BMERB1: variants seen among roughly 807,000 people sequenced by gnomAD.
BMERB1 encodes the protein bMERB domain containing 1.
Under a neutral mutation model 23.6 loss-of-function variants are expected in BMERB1, and 12 were observed. The ratio of observed to expected loss-of-function variants is 0.51; its 90% confidence interval spans 0.33 to 0.82. The LOEUF is 0.82. BMERB1 is among the 40% of genes least tolerant of loss of function. BMERB1 has a pLI of 0.03. For missense variants in BMERB1, 247 were observed against 255.4 expected, an observed-to-expected ratio of 0.97 and a Z score of 0.22; for synonymous variants, 122 against 96.6, an observed-to-expected ratio of 1.26 and a Z score of -1.54.
Position 15,567,919 on chromosome 16 carries a change from G to A in BMERB1, c.231-64G>A. On this transcript the variant is annotated intron_variant, in intron 2 of 5. Transcript: ENST00000300006. ...TTAATAGCTTCTTTGTGTTAACCGG[G>A]TGATGCTCAGGGCGTAATGCTCTGC... 3 of 1,441,464 alleles carry A rather than the reference G, an allele frequency of 2.1e-6. No homozygotes were observed. The South Asian group carries it at 3.6e-5, about 17-fold the overall frequency. The allele number at this position is 1,441,464 out of a possible 1,614,324, so 89.3% of individuals were successfully genotyped here.
intron 1 of BMERB1, among the ~76,000 whole-genome samples, chr16:15,493,101 C>T (rs1197383693): frequency 6.6e-6 from 1 of 152,080 alleles, no homozygotes; most frequent in African/African-American, 2.4e-5. Flanking sequence ...GCCTGTAATC[C>T]CAGCACTTTG....
chr16:15,450,734 G>A lies in BMERB1; in HGVS notation c.106+15975G>A, dbSNP rs1404289217. Among the ~76,000 whole-genome samples the A allele has an allele frequency of 2.0e-5, 3 of 152,122 alleles. No homozygotes were observed. The East Asian group carries it at 5.8e-4, about 29-fold the overall frequency. On this transcript the variant is annotated intron_variant, in intron 1 of 5. Transcript: ENST00000300006. ...GATTCATCTGCCTCAGCCTCCCAAA[G>A]TGCTGGGATTACAGGCATGACCCAC...
chr16:15,558,032 A>G (rs1354397899), intron 2 of BMERB1, among the ~76,000 whole-genome samples: 1 of 152,022 alleles, frequency 6.6e-6, no homozygotes, highest in Non-Finnish European at 1.5e-5. Flanking sequence ...CAACAGAGCT[A>G]GACTCCGTCT....
intron 2 of BMERB1, among the ~76,000 whole-genome samples, chr16:15,538,548 C>T (rs935024643): frequency 3.3e-5 from 5 of 152,104 alleles, no homozygotes; most frequent in Non-Finnish European, 5.9e-5. Context: ...CTTCAATGCT[C>T]ATGCTGCTGC....
At chr16:15,443,289 T>A (rs2050957150) in intron 1 of BMERB1, among the ~76,000 whole-genome samples, 2 of 148,494 alleles carry the variant, frequency 1.3e-5, no homozygotes, top group South Asian at 4.3e-4. Flanking sequence ...GCGGTGGCTC[T>A]CATGTGTAAT....
At chr16:15,440,014 G>A (rs2050925810) in intron 1 of BMERB1, among the ~76,000 whole-genome samples, 1 of 152,116 alleles carries the variant, frequency 6.6e-6, no homozygotes, top group Non-Finnish European at 1.5e-5. Flanking sequence ...GGAGGCTGAG[G>A]TGGGCGGATC....
At chr16:15,546,920 G>A (rs540521565) in intron 2 of BMERB1, among the ~76,000 whole-genome samples, 19 of 151,954 alleles carry the variant, frequency 1.3e-4, no homozygotes, top group Admixed American at 4.6e-4. Flanking sequence ...TCGTTATCTC[G>A]TCATGTTTCA....
intron 2 of BMERB1, among the ~76,000 whole-genome samples, chr16:15,556,252 G>C (rs1341689215): frequency 6.6e-6 from 1 of 152,124 alleles, no homozygotes; most frequent in Admixed American, 6.6e-5. Flanking sequence ...TAGTCCAGGA[G>C]AGTCTCTGTG....
chr16:15,554,663 C>CTTTTTTT (rs55937169), intron 2 of BMERB1, among the ~76,000 whole-genome samples: 1 of 144,550 alleles, frequency 6.9e-6, no homozygotes. Context: ...ACCAAGTATT[C>CTTTTTTT]TTTTTTTTTT....
chr16:15,545,875 A>G (rs1432365826), intron 2 of BMERB1, among the ~76,000 whole-genome samples: 1 of 152,160 alleles, frequency 6.6e-6, no homozygotes, highest in Non-Finnish European at 1.5e-5. Flanking sequence ...TTTTTCCATT[A>G]CAGGAGGGAG....
chr16:15,471,683 T>C lies in BMERB1; in HGVS notation c.106+36924T>C, dbSNP rs1215595281. On this transcript the variant is annotated intron_variant, in intron 1 of 5. Transcript: ENST00000300006. ...CTAGGTGAGACTTGACCTCCTGGGC[T>C]CAAGAGATCCTCCTGTCTCAGCCTC... 2.0e-5 allele frequency among the ~76,000 whole-genome samples: 3 copies of C among 152,292 alleles called. No individual in the cohort carries two copies. The East Asian group carries it at 5.8e-4, about 29-fold the overall frequency.
intron 2 of BMERB1, among the ~76,000 whole-genome samples, chr16:15,518,096 C>T (rs2051796440): frequency 6.6e-6 from 1 of 152,050 alleles, no homozygotes; most frequent in South Asian, 2.1e-4. Flanking sequence ...TGTCACTTAG[C>T]CCAGGCTTAA....
At chr16:15,524,859 G>T (rs1353107127) in intron 2 of BMERB1, among the ~76,000 whole-genome samples, 2 of 152,260 alleles carry the variant, frequency 1.3e-5, no homozygotes, top group East Asian at 3.9e-4. Context: ...CAAGTTTCGA[G>T]AAGGAAAATA....
At chr16:15,467,640 G>A (rs890868785) in intron 1 of BMERB1, among the ~76,000 whole-genome samples, 3 of 152,068 alleles carry the variant, frequency 2.0e-5, no homozygotes, top group African/African-American at 7.2e-5. Flanking sequence ...CTCCTAGTCC[G>A]TAGCTTGTTT....
chr16:15,567,800 G>T (rs1327733900), intron 2 of BMERB1, among the ~76,000 whole-genome samples, 183 bp from the exon 3 acceptor site: 1 of 152,162 alleles, frequency 6.6e-6, no homozygotes, highest in Non-Finnish European at 1.5e-5. Context: ...ATCATTTCTA[G>T]GTGGTGGGAT....
intron 1 of BMERB1, among the ~76,000 whole-genome samples, chr16:15,470,263 T>C (rs1299333212): frequency 6.6e-6 from 1 of 152,106 alleles, no homozygotes; most frequent in Non-Finnish European, 1.5e-5. Flanking sequence ...ACCTTGTTAA[T>C]ATAGTGGATC....
At chr16:15,468,972 T>TC (rs1183390181) in intron 1 of BMERB1, among the ~76,000 whole-genome samples, 1 of 150,500 alleles carries the variant, frequency 6.6e-6, no homozygotes, top group Non-Finnish European at 1.5e-5. Flanking sequence ...ACACTTTTTT[T>TC]TTTTTTTTTT....
At chr16:15,502,529 C>G (rs1007628600) in intron 1 of BMERB1, among the ~76,000 whole-genome samples, 1 of 152,140 alleles carries the variant, frequency 6.6e-6, no homozygotes, top group African/African-American at 2.4e-5. Flanking sequence ...CCATTACATT[C>G]ACGTTATAGC....
chr16:15,474,417 C>T (rs757768238), intron 1 of BMERB1, among the ~76,000 whole-genome samples: 25 of 151,922 alleles, frequency 1.6e-4, no homozygotes, highest in African/African-American at 4.3e-4. Context: ...CAGGGTGGAG[C>T]GCAGTGGCAC....
Sources: allele counts gnomAD v4.1 joint callset (sites outside exome capture counted in the v4.1 genomes callset), GRCh38; gene constraint gnomAD v4.1.1; transcripts MANE v1.5; gene names NCBI Gene and HGNC (gene_info 2026-07-23, HGNC 2026-07-21).